TRIM37: variants seen among roughly 807,000 people sequenced by gnomAD.
The protein encoded by TRIM37 is E3 ubiquitin-protein ligase TRIM37.
In TRIM37, 80 loss-of-function variants were observed where a neutral mutation model predicts 129.8. The ratio of observed to expected loss-of-function variants is 0.62; its 90% CI spans 0.51 to 0.74. The LOEUF (loss-of-function observed/expected upper bound fraction) is 0.74. Ranked by LOEUF, TRIM37 falls within the 30% of genes least tolerant of loss-of-function variation. The probability of loss-of-function intolerance (pLI) is 0.00; values close to 1 mark genes in which losing one functional copy is unlikely to be tolerated. For synonymous variants in TRIM37, 389 were observed against 387.1 expected, an observed-to-expected ratio of 1.00 and a Z score of -0.06; for missense variants, 1,054 against 1,176.5, an observed-to-expected ratio of 0.90 and a Z score of 1.52.
chr17:58,969,761 T>G, the TRIM37 span: 1 of 1,597,130 alleles, frequency 6.3e-7, no homozygotes, highest in Non-Finnish European at 8.6e-7. Flanking sequence ...CAGCTAGAAA[T>G]GTACTAGCTG....
intron 5 of TRIM37, 37 bp from the exon 6 acceptor site, chr17:59,081,256 T>C (rs748684184): frequency 6.4e-5 from 103 of 1,603,102 alleles, no homozygotes; most frequent in Non-Finnish European, 8.6e-5. Context: ...CACTTTCACA[T>C]ATCTCATCTG....
intron 22 of TRIM37, among the ~76,000 whole-genome samples, chr17:59,004,817 C>T (rs997231155): frequency 1.1e-4 from 17 of 152,132 alleles, no homozygotes; most frequent in Non-Finnish European, 2.2e-4. Flanking sequence ...AACTGTGGCC[C>T]CACATGGCTT....
At chr17:59,073,579 C>T (rs986343185) in intron 8 of TRIM37, among the ~76,000 whole-genome samples, 10 of 152,188 alleles carry the variant, frequency 6.6e-5, no homozygotes, top group African/African-American at 2.4e-4. Flanking sequence ...CATGAGCCAC[C>T]ACGCCCGGCC....
intron 24 of TRIM37, among the ~76,000 whole-genome samples, chr17:58,991,091 T>TGC (rs2032347792): frequency 8.9e-5 from 13 of 146,700 alleles, no homozygotes; most frequent in Admixed American, 6.8e-4. Context: ...AGAAGAATCA[T>TGC]TTAAACCCAG....
In TRIM37 at chr17:59,073,543, G is replaced by A. The variant is rs149962672; in HGVS notation, c.684+2104C>T. ...TCACTCAAGTGATCTGCCCACCTTG[G>A]CCTCTGAAAGTACTGAGATCACAGG... On this transcript the variant is annotated intron_variant, in intron 8 of 23. Transcript: ENST00000262294. Among the ~76,000 whole-genome samples the A allele has an allele frequency of 3.0e-3, 450 of 152,202 alleles. 4 individuals are homozygous for A. The highest frequency in any genetic ancestry group is 0.011 in the African/African-American group (436 of 41,522).
chr17:59,023,873 T>C (rs1466695391), intron 19 of TRIM37, among the ~76,000 whole-genome samples: 2 of 152,056 alleles, frequency 1.3e-5, no homozygotes, highest in Non-Finnish European at 2.9e-5. Flanking sequence ...GCTGATGATA[T>C]AAATACTTAG....
intron 20 of TRIM37, among the ~76,000 whole-genome samples, chr17:59,016,351 A>G (rs11869811): frequency 2.7e-4 from 40 of 145,684 alleles, no homozygotes; most frequent in African/African-American, 1.0e-3. Flanking sequence ...CCGAGATCGC[A>G]CCATTGCACT....
intron 24 of TRIM37, among the ~76,000 whole-genome samples, chr17:58,989,395 C>T (rs1446106891): frequency 6.6e-6 from 1 of 151,998 alleles, no homozygotes; most frequent in Non-Finnish European, 1.5e-5. Flanking sequence ...GAGATTGCAC[C>T]ACTGCACTCC....
chr17:59,014,998 A>C (rs1250546328), intron 21 of TRIM37, among the ~76,000 whole-genome samples: 1 of 150,930 alleles, frequency 6.6e-6, no homozygotes, highest in South Asian at 2.1e-4. Context: ...AATGGCATGA[A>C]CCTGGGAGGC....
At chr17:58,984,217 C>T (rs2031580879) in intron 24 of TRIM37, 1 of 152,638 alleles carries the variant, frequency 6.6e-6, no homozygotes, top group Admixed American at 6.5e-5. Context: ...TCAATGTCAA[C>T]ACTGAGTCTA....
intron 7 of TRIM37, 118 bp downstream of exon 7, chr17:59,079,636 A>G: frequency 7.9e-7 from 1 of 1,266,630 alleles, no homozygotes; most frequent in Non-Finnish European, 1.1e-6. Context: ...TTGTAACAAC[A>G]TGGAGTTGCC....
At chr17:59,016,769 G>A (rs938677156) in intron 20 of TRIM37, among the ~76,000 whole-genome samples, 1 of 151,928 alleles carries the variant, frequency 6.6e-6, no homozygotes, top group African/African-American at 2.4e-5. Context: ...GGAAAACAGA[G>A]CAAGACTCTG....
chr17:59,064,073 A>C, intron 10 of TRIM37: 1 of 312,364 alleles, frequency 3.2e-6, no homozygotes, highest in South Asian at 4.7e-5. Flanking sequence ...GGCTGCAGTG[A>C]GCAATGATCA....
the TRIM37 span, chr17:58,969,480 G>A: frequency 1.7e-5 from 25 of 1,507,390 alleles, no homozygotes; most frequent in Middle Eastern, 6.8e-4. Flanking sequence ...CCAGGAGATT[G>A]GTTCATTTGA....
chr17:59,055,331 T>TC (rs1236450586), intron 13 of TRIM37, among the ~76,000 whole-genome samples: 1 of 41,460 alleles, frequency 2.4e-5, no homozygotes, highest in Non-Finnish European at 3.7e-5. Flanking sequence ...AAACTCTGTC[T>TC]CAAAAAAAAA....
At position 59,088,123 on chromosome 17, in the gene TRIM37, A is replaced by G. The variant is rs549297343; in HGVS notation, c.281+168T>C. ...AAATAACTGTTGTTAAATAAACACA[A>G]TAAGAATATGTTACTTAACAGTAAC... On this transcript the variant is annotated intron_variant, in intron 4 of 23. Coordinates refer to ENST00000262294, the MANE Select transcript of TRIM37 (RefSeq NM_015294.6). 2.6e-5 allele frequency: 16 copies of G among 626,786 alleles called. No homozygotes were observed. In the East Asian group the frequency reaches 3.8e-4, roughly 15 times the overall value. The allele number at this position is 626,786 out of a possible 1,614,324, so 38.8% of individuals were successfully genotyped here. A position where few individuals can be genotyped will look rare whatever the true frequency, so the allele number is the denominator to read the frequency against.
intron 9 of TRIM37, among the ~76,000 whole-genome samples, chr17:59,068,260 T>C (rs1291790140): frequency 6.6e-6 from 1 of 152,160 alleles, no homozygotes; most frequent in Non-Finnish European, 1.5e-5. Context: ...GGAATTTACA[T>C]ACATCAATGG....
At chr17:59,042,836 T>C (rs1018021948) in intron 16 of TRIM37, among the ~76,000 whole-genome samples, 16 of 150,624 alleles carry the variant, frequency 1.1e-4, no homozygotes, top group African/African-American at 3.9e-4. Context: ...GGCAAAAAAA[T>C]AGAAATAAAT....
At chr17:59,041,763 G>T in intron 17 of TRIM37, 50 bp downstream of exon 17, 1 of 1,334,522 alleles carries the variant, frequency 7.5e-7, no homozygotes, top group South Asian at 1.2e-5. Flanking sequence ...AGTCAGAGAA[G>T]AGCAGAGAGA....
Sources: allele counts gnomAD v4.1 joint callset (sites outside exome capture counted in the v4.1 genomes callset), GRCh38; gene constraint gnomAD v4.1.1; transcripts MANE v1.5; gene names NCBI Gene and HGNC (gene_info 2026-07-23, HGNC 2026-07-21).